DMD: variants seen among roughly 807,000 people sequenced by gnomAD.
The protein encoded by DMD is dystrophin.
DMD carries 63 observed loss-of-function variants against 330.1 expected under a neutral mutation model. That is an observed-to-expected ratio of 0.19 (90% CI 0.16 to 0.24). The LOEUF is 0.24. Among genes scored for constraint, DMD ranks in the 10% least tolerant of loss-of-function variants. The pLI is 1.00. For synonymous variants in DMD, 1,223 were observed against 959.8 expected, an observed-to-expected ratio of 1.27 and a Z score of -5.07; for missense variants, 3,344 against 2,684.1, an observed-to-expected ratio of 1.25 and a Z score of -5.43.
rs1265370991 is a variant in DMD, at chrX:32,454,662, C to A, written c.3603G>T (p.Lys1201Asn). The A allele has an allele frequency of 1.9e-6, 2 of 1,078,701 alleles. No individual in the cohort carries two copies. Among genetic ancestry groups the A allele is most frequent in the Non-Finnish European group, 2.5e-6 (2 of 808,315 alleles). 88.9% of individuals were successfully genotyped at this position (1,078,701 alleles called of 1,213,427 possible). ...DELQKAVEEM[K>N]RAKEEAQQKE... Reference sequence around the variant, plus strand: ...TTAGTTTTTCTTTTTTTTTTTTTACCTTCATCTCTTCAACTGCTTTCTGTA... The same window carrying A: ...TTAGTTTTTCTTTTTTTTTTTTTACATTCATCTCTTCAACTGCTTTCTGTA... The change falls in exon 26 of 79, where the codon AAG (lysine) becomes AAT (asparagine). Residue 1201 changes from lysine to asparagine, a missense_variant and splice_region_variant. Transcript: ENST00000357033.
chrX:31,568,795 A>T (rs1354863156), intron 55 of DMD, among the ~76,000 whole-genome samples: 2 of 110,462 alleles, frequency 1.8e-5, no homozygotes, highest in Non-Finnish European at 3.8e-5. Flanking sequence ...CTGCCACCTT[A>T]TTTGGTTTCT....
chrX:32,518,109 G>T lies in DMD; in HGVS notation c.2191C>A (p.Leu731Ile). 2.5e-6 allele frequency: 3 copies of T among 1,210,096 alleles called. No homozygotes were observed. The highest frequency in any genetic ancestry group is 3.4e-6 in the Non-Finnish European group (3 of 894,168). ...TCTGAGCGAGTAATCCAGCTGTGAA[G>T]TTCAGTTATATCAACATCCAACCTA... ...RKRLDVDITELHSWITRSEAV... is the reference protein window; with the variant it reads ...RKRLDVDITEIHSWITRSEAV... The change falls in exon 18 of 79, where the codon CTT (leucine) becomes ATT (isoleucine). Residue 731 changes from leucine (L) to isoleucine (I), a missense_variant. By Grantham distance (5) the Leu-to-Ile change is conservative (BLOSUM62 2). Coordinates refer to ENST00000357033, the MANE Select transcript of DMD (RefSeq NM_004006.3).
intron 6 of DMD, among the ~76,000 whole-genome samples, chrX:32,809,919 C>CCAAAAAAAAAAAAAAAAA (rs2077222247): frequency 7.0e-5 from 2 of 28,660 alleles, no homozygotes; most frequent in African/African-American, 2.7e-4. Flanking sequence ...TTGTTTCTAC[C>CCAAAAAAAAAAAAAAAAA]AAAAAAAAAA....
At chrX:32,059,648 G>A (rs137954550) in intron 44 of DMD, among the ~76,000 whole-genome samples, 2,541 of 111,032 alleles carry the variant, frequency 0.023, 82 homozygotes, top group African/African-American at 0.078. Context: ...AGGACATAGA[G>A]AGACCATTCA....
In DMD at chrX:32,364,636, T is replaced by G. The variant is rs2097848089; in HGVS notation, c.5100A>C (p.Thr1700=). Residue 1700 remains threonine, a synonymous_variant, in exon 36 of 79, where the codon ACA becomes ACC. Coordinates refer to ENST00000357033, the MANE Select transcript of DMD (RefSeq NM_004006.3). The stretch of plus-strand genomic sequence containing the variant: ...TCTTTTTCTCTGATTCATCCAAAAG[T>G]GTGTCAGCCTGAATGATCCACTTTG... ...HITKWIIQAD[T]LLDESEKKKP... is the part of the protein sequence containing the mutation. 1.7e-6 allele frequency: 2 copies of G among 1,208,761 alleles called. No individual in the cohort carries two copies. The highest frequency in any genetic ancestry group is 3.5e-5 in the South Asian group (2 of 56,840).
intron 1 of DMD, among the ~76,000 whole-genome samples, chrX:33,219,719 A>AT (rs1366810067): frequency 2.7e-5 from 3 of 111,657 alleles, no homozygotes; most frequent in Non-Finnish European, 5.6e-5. Flanking sequence ...ATTAATGAAG[A>AT]TTTTTAAAGA....
At chrX:31,724,093 G>A (rs774302458) in intron 52 of DMD, among the ~76,000 whole-genome samples, 2 of 112,438 alleles carry the variant, frequency 1.8e-5, no homozygotes, top group African/African-American at 6.5e-5. Context: ...CGGCATCCTA[G>A]TGGATGTGAA....
chrX:31,909,732 A>T (rs1039231914), intron 47 of DMD, among the ~76,000 whole-genome samples: 2 of 111,846 alleles, frequency 1.8e-5, no homozygotes, highest in Non-Finnish European at 3.8e-5. Flanking sequence ...AATTCATTCT[A>T]TCATTTTACT....
chrX:32,867,336 T>C (rs2082593799), intron 2 of DMD, among the ~76,000 whole-genome samples: 1 of 112,149 alleles, frequency 8.9e-6, no homozygotes, highest in Non-Finnish European at 1.9e-5. Context: ...TAGTTCCCTG[T>C]GAACTAAAAC....
intron 62 of DMD, among the ~76,000 whole-genome samples, chrX:31,284,571 T>TCTTTCTTCTTC: frequency 2.5e-5 from 2 of 79,366 alleles, no homozygotes; most frequent in African/African-American, 9.8e-5. Flanking sequence ...TTCTTCTTCT[T>TCTTTCTTCTTC]CTTCTTCTTC....
intron 1 of DMD, among the ~76,000 whole-genome samples, chrX:33,080,150 T>G (rs959367070): frequency 8.9e-6 from 1 of 112,384 alleles, no homozygotes; most frequent in Non-Finnish European, 1.9e-5. Flanking sequence ...GCAGATCAAT[T>G]TTCTAAGAAG....
chrX:32,917,906 T>A lies in DMD; in HGVS notation c.94-68086A>T, dbSNP rs888416383. The stretch of plus-strand genomic sequence containing the variant: ...AAGAAGCTTATGATAGCTTTCTGAA[T>A]GACTCTGAAAAATGAAGCTGCTCTG... On this transcript the variant is annotated intron_variant, in intron 2 of 78. Coordinates refer to ENST00000357033, the MANE Select transcript of DMD (RefSeq NM_004006.3). Among the ~76,000 whole-genome samples the A allele has an allele frequency of 3.7e-5, 4 of 109,064 alleles. No homozygotes were observed. The East Asian group carries it at 1.2e-3, about 32-fold the overall frequency. The allele number at this position is 109,064 out of a possible 115,157, so 94.7% of individuals were successfully genotyped here.
chrX:33,291,246 G>C (rs2053506908), intron 1 of DMD, among the ~76,000 whole-genome samples: 1 of 111,388 alleles, frequency 9.0e-6, no homozygotes, highest in Non-Finnish European at 1.9e-5. Flanking sequence ...GGTATTGTTG[G>C]AGTATATCTT....
intron 43 of DMD, among the ~76,000 whole-genome samples, chrX:32,226,957 T>C (rs2097149922): frequency 9.2e-6 from 1 of 109,163 alleles, no homozygotes. Context: ...TTCTTAAAGA[T>C]AAATAATTTA....
At chrX:31,928,100 C>A (rs2094804272) in intron 47 of DMD, among the ~76,000 whole-genome samples, 1 of 111,998 alleles carries the variant, frequency 8.9e-6, no homozygotes, top group African/African-American at 3.2e-5. Flanking sequence ...GAAGTTCTGA[C>A]ACATGCTACA....
intron 4 of DMD, among the ~76,000 whole-genome samples, chrX:32,824,172 T>C (rs2078507747): frequency 8.9e-6 from 1 of 111,857 alleles, no homozygotes; most frequent in Non-Finnish European, 1.9e-5. Flanking sequence ...TCAAATGATA[T>C]AGCCACTTTG....
At chrX:32,514,659 T>A (rs182996113) in intron 18 of DMD, among the ~76,000 whole-genome samples, 25 of 112,294 alleles carry the variant, frequency 2.2e-4, no homozygotes, top group African/African-American at 6.1e-4. Context: ...GAGAACGGCG[T>A]GAACCCGGGA....
At chrX:32,867,179 A>C (rs1034463230) in intron 2 of DMD, among the ~76,000 whole-genome samples, 6 of 111,546 alleles carry the variant, frequency 5.4e-5, no homozygotes, top group African/African-American at 2.0e-4. Flanking sequence ...TAAAAAAAAA[A>C]AAAAGTTGAC....
chrX:32,287,734 A>C (rs2097448457), intron 42 of DMD, 33 bp from the exon 43 acceptor site: 1 of 1,016,420 alleles, frequency 9.8e-7, no homozygotes, highest in Non-Finnish European at 1.3e-6. Flanking sequence ...CAGTAAAAAA[A>C]TGAATTAGCT....
Sources: allele counts gnomAD v4.1 joint callset (sites outside exome capture counted in the v4.1 genomes callset), GRCh38; gene constraint gnomAD v4.1.1; transcripts MANE v1.5; gene names NCBI Gene and HGNC (gene_info 2026-07-23, HGNC 2026-07-21).